COL25A1: variants seen among roughly 807,000 people sequenced by gnomAD.
COL25A1 encodes the protein collagen type XXV alpha 1 chain.
COL25A1 carries 103 observed loss-of-function variants against 128.4 expected under a neutral mutation model. That is an observed-to-expected ratio of 0.80 (90% CI 0.68 to 0.94). The LOEUF (loss-of-function observed/expected upper bound fraction) is 0.94. Ranked by LOEUF, COL25A1 falls within the 40% of genes least tolerant of loss-of-function variation. The pLI is 0.00. For missense variants in COL25A1, 745 were observed against 840.0 expected (o/e 0.89, Z 1.40); for synonymous variants, 279 against 277.2 (o/e 1.01, Z -0.06).
At chr4:108,821,074 C>T (rs1731726762) in intron 35 of COL25A1, among the ~76,000 whole-genome samples, 1 of 152,106 alleles carries the variant, frequency 6.6e-6, no homozygotes, top group African/African-American at 2.4e-5. Flanking sequence ...TGAATAATGT[C>T]TGAAGCAAAG....
chr4:108,900,049 A>AT (rs1342386854), intron 14 of COL25A1, among the ~76,000 whole-genome samples: 2 of 152,084 alleles, frequency 1.3e-5, no homozygotes, highest in East Asian at 1.9e-4. Context: ...CAATTATTGT[A>AT]TTTTTTTAAA....
At chr4:109,178,002 A>AT (rs1396873039) in intron 3 of COL25A1, among the ~76,000 whole-genome samples, 2 of 152,242 alleles carry the variant, frequency 1.3e-5, no homozygotes, top group Non-Finnish European at 2.9e-5. Context: ...CATGAGTAGA[A>AT]TATCTATTTT....
Position 108,972,319 on chromosome 4 carries a change from G to A in COL25A1, c.492+2048C>T, listed in dbSNP as rs80008031. Among the ~76,000 whole-genome samples the A allele has an allele frequency of 4.9e-3, 744 of 152,244 alleles. 17 individuals carry two copies. In the East Asian group the frequency reaches 0.065, roughly 13 times the overall value. ...TTTGGTCATCATCAGCAAGAATACCGTGCCTAAATAGAGAATGTGGGTAAA... is the reference window on the plus strand; with the variant it reads ...TTTGGTCATCATCAGCAAGAATACCATGCCTAAATAGAGAATGTGGGTAAA... On this transcript the variant is annotated intron_variant, in intron 8 of 37. Coordinates refer to ENST00000399132, the MANE Select transcript of COL25A1 (RefSeq NM_198721.4).
intron 31 of COL25A1, among the ~76,000 whole-genome samples, chr4:108,835,560 CT>C (rs34954194): frequency 3.5e-4 from 52 of 147,726 alleles, no homozygotes; most frequent in African/African-American, 3.9e-4. Flanking sequence ...TACATACATT[CT>C]TTTTTTTTTT....
chr4:108,846,335 G>T, intron 27 of COL25A1, 116 bp from the exon 28 acceptor site: 1 of 709,450 alleles, frequency 1.4e-6, no homozygotes, highest in Non-Finnish European at 2.5e-6. Context: ...ATGTTGAGAT[G>T]ATTCTGATTT....
intron 19 of COL25A1, among the ~76,000 whole-genome samples, chr4:108,877,082 T>C (rs1360360568): frequency 6.6e-6 from 1 of 152,208 alleles, no homozygotes; most frequent in Non-Finnish European, 1.5e-5. Context: ...GACAGTAAAC[T>C]GCTGGGAGCA....
At chr4:108,933,453 G>C (rs141496107) in intron 11 of COL25A1, among the ~76,000 whole-genome samples, 338 of 152,232 alleles carry the variant, frequency 2.2e-3, no homozygotes, top group Non-Finnish European at 3.2e-3. Context: ...TGATATTTAG[G>C]AGAAGAAAGC....
intron 3 of COL25A1, among the ~76,000 whole-genome samples, chr4:109,158,002 T>C (rs1772198294): frequency 6.6e-6 from 1 of 152,144 alleles, no homozygotes; most frequent in South Asian, 2.1e-4. Context: ...TACTTCTATA[T>C]AAAATTACAT....
intron 3 of COL25A1, among the ~76,000 whole-genome samples, chr4:109,167,211 G>C (rs913827271): frequency 6.6e-5 from 10 of 152,084 alleles, no homozygotes; most frequent in Non-Finnish European, 1.5e-5. Context: ...TGAACCAGAA[G>C]TACATTTTAT....
At chr4:109,287,658 C>A (rs1210714118) in intron 3 of COL25A1, among the ~76,000 whole-genome samples, 1 of 152,142 alleles carries the variant, frequency 6.6e-6, no homozygotes, top group South Asian at 2.1e-4. Flanking sequence ...TCACCCATAG[C>A]CCCTATTCTG....
chr4:109,238,971 T>A (rs894667532), intron 3 of COL25A1, among the ~76,000 whole-genome samples: 1 of 152,004 alleles, frequency 6.6e-6, no homozygotes, highest in Non-Finnish European at 1.5e-5. Flanking sequence ...ATGGGAGTAC[T>A]GTCATCAACC....
intron 3 of COL25A1, among the ~76,000 whole-genome samples, chr4:109,066,044 T>C (rs1035793107): frequency 3.9e-5 from 6 of 152,164 alleles, no homozygotes; most frequent in African/African-American, 1.4e-4. Context: ...GGGTGGTGCA[T>C]ACATCATTTG....
At position 108,812,277 on chromosome 4, in the gene COL25A1, C is replaced by T. The variant is rs903101988; in HGVS notation, c.*1650G>A. 2.0e-5 allele frequency: 3 copies of T among 152,012 alleles called. No homozygotes were observed. Among genetic ancestry groups the T allele is most frequent in the Non-Finnish European group, 4.4e-5 (3 of 67,994 alleles). The allele number at this position is 152,012 out of a possible 1,614,324, so 9.4% of individuals were successfully genotyped here. The stretch of plus-strand genomic sequence containing the variant: ...TTGGTCTGTGGATATGAGGATGAGA[C>T]AAACATTTAGAAATGTTAAAAAGAG... On this transcript the variant is annotated 3_prime_UTR_variant, in exon 38 of 38. Transcript: ENST00000399132.
intron 5 of COL25A1, among the ~76,000 whole-genome samples, chr4:109,017,778 A>G (rs981407372): frequency 6.6e-6 from 1 of 152,220 alleles, no homozygotes; most frequent in African/African-American, 2.4e-5. Flanking sequence ...AAACTTGAGG[A>G]AATATTAACA....
At chr4:108,868,567 A>AAG (rs749346428) in intron 20 of COL25A1, among the ~76,000 whole-genome samples, 9 of 150,188 alleles carry the variant, frequency 6.0e-5, no homozygotes, top group South Asian at 2.1e-4. Flanking sequence ...AAGAAAGAGA[A>AAG]AGAGAGAGAG....
At chr4:109,270,094 C>A (rs953140402) in intron 3 of COL25A1, among the ~76,000 whole-genome samples, 1 of 152,018 alleles carries the variant, frequency 6.6e-6, no homozygotes, top group Non-Finnish European at 1.5e-5. Flanking sequence ...CTATCTATGA[C>A]AAACCCACAG....
chr4:108,889,349 C>T (rs1578669356), intron 17 of COL25A1, 93 bp from the exon 18 acceptor site: 2 of 1,149,376 alleles, frequency 1.7e-6, no homozygotes, highest in South Asian at 1.3e-5. Context: ...GATGGCCTAG[C>T]CCCCTTCTTC....
At chr4:108,856,148 C>T (rs1736472026) in intron 24 of COL25A1, among the ~76,000 whole-genome samples, 1 of 152,098 alleles carries the variant, frequency 6.6e-6, no homozygotes, top group Non-Finnish European at 1.5e-5. Flanking sequence ...TTTCATTTCT[C>T]ATAATGATGA....
intron 3 of COL25A1, among the ~76,000 whole-genome samples, chr4:109,189,547 C>CAAAAAAAA (rs33989375): frequency 9.3e-5 from 5 of 53,602 alleles, no homozygotes; most frequent in Non-Finnish European, 1.6e-4. Context: ...GACTCCATCT[C>CAAAAAAAA]AAAAAAAAAA....
Sources: allele counts gnomAD v4.1 joint callset (sites outside exome capture counted in the v4.1 genomes callset), GRCh38; gene constraint gnomAD v4.1.1; transcripts MANE v1.5; gene names NCBI Gene and HGNC (gene_info 2026-07-23, HGNC 2026-07-21).